The following CDH4 variants were observed in gnomAD, a reference collection of about 807,000 sequenced individuals.
CDH4 encodes cadherin 4.
In CDH4, 33 loss-of-function variants were observed where a neutral mutation model predicts 86.0. That is an observed-to-expected ratio of 0.38 (90% CI 0.29 to 0.51). CDH4 has a LOEUF of 0.51. Among genes scored for constraint, CDH4 ranks in the 20% least tolerant of loss-of-function variants. The pLI is 0.86. For missense variants in CDH4, 1,114 were observed against 1,307.4 expected, an observed-to-expected ratio of 0.85 and a Z score of 2.28; for synonymous variants, 555 against 549.4, an observed-to-expected ratio of 1.01 and a Z score of -0.14.
chr20:61,399,499 T>C (rs572052428), intron 2 of CDH4, among the ~76,000 whole-genome samples: 2 of 152,326 alleles, frequency 1.3e-5, no homozygotes, highest in South Asian at 4.1e-4. Flanking sequence ...GAGAGCATAG[T>C]ATCCCTGAGC....
At chr20:61,254,713 C>G (rs2084088519) in intron 1 of CDH4, 113 bp from the exon 2 acceptor site, 1 of 743,420 alleles carries the variant, frequency 1.3e-6, no homozygotes, top group African/African-American at 1.7e-5. Context: ...CGGTGGCCTG[C>G]CAGCCTTTCT....
At chr20:61,800,126 T>C (rs897150013) in intron 4 of CDH4, among the ~76,000 whole-genome samples, 5 of 152,308 alleles carry the variant, frequency 3.3e-5, no homozygotes, top group South Asian at 2.1e-4. Context: ...TACTCCCTCC[T>C]TGAAGCCTGT....
At chr20:61,331,177 C>G (rs1425498405) in intron 2 of CDH4, among the ~76,000 whole-genome samples, 2 of 152,168 alleles carry the variant, frequency 1.3e-5, no homozygotes, top group East Asian at 1.9e-4. Context: ...CCTTCCATGC[C>G]CAGTGCCCAG....
At chr20:61,405,395 G>A (rs1001080728) in intron 2 of CDH4, among the ~76,000 whole-genome samples, 4 of 151,890 alleles carry the variant, frequency 2.6e-5, no homozygotes, top group Admixed American at 1.3e-4. Flanking sequence ...TTACAGTGCG[G>A]CCCTTTATGA....
chr20:61,922,178 A>G (rs968134178), intron 9 of CDH4, among the ~76,000 whole-genome samples: 13 of 152,252 alleles, frequency 8.5e-5, no homozygotes, highest in African/African-American at 2.9e-4. Flanking sequence ...ACTCTTATGC[A>G]TATGTTACTT....
intron 2 of CDH4, among the ~76,000 whole-genome samples, chr20:61,395,287 ACTGTT>A (rs1373427388): frequency 1.3e-5 from 2 of 152,170 alleles, no homozygotes; most frequent in African/African-American, 4.8e-5. Context: ...CTCCTGTACT[ACTGTT>A]ATTTAGTAAA....
intron 2 of CDH4, among the ~76,000 whole-genome samples, chr20:61,559,519 CTTTTTTTTT>C (rs1156864328): frequency 9.5e-6 from 1 of 105,176 alleles, no homozygotes; most frequent in Non-Finnish European, 1.8e-5. Context: ...ATTTTTTTTT[CTTTTTTTTT>C]TTTTTTTTTT....
intron 2 of CDH4, among the ~76,000 whole-genome samples, chr20:61,629,142 G>A (rs2086859194): frequency 6.6e-6 from 1 of 152,254 alleles, no homozygotes; most frequent in Admixed American, 6.5e-5. Flanking sequence ...CTGCGCCGTG[G>A]AGAGCAGAGA....
intron 2 of CDH4, among the ~76,000 whole-genome samples, chr20:61,733,074 CAGATGG>C (rs2088214373): frequency 1.1e-4 from 2 of 17,752 alleles, no homozygotes; most frequent in Admixed American, 9.9e-4. Context: ...GACGCATGGA[CAGATGG>C]ACAGGAAAGC....
chr20:61,470,392 C>G (rs372285939), intron 2 of CDH4, among the ~76,000 whole-genome samples: 46 of 139,126 alleles, frequency 3.3e-4, no homozygotes, highest in African/African-American at 8.9e-4. Flanking sequence ...GATTTTGTAT[C>G]CTGCAACTTC....
chr20:61,929,521 C>A, intron 12 of CDH4, 88 bp from the exon 13 acceptor site: 1 of 935,300 alleles, frequency 1.1e-6, no homozygotes, highest in Non-Finnish European at 1.7e-6. Context: ...ATTTCCATGC[C>A]ATCGGACTTT....
At chr20:61,793,040 G>T (rs1979295570) in intron 4 of CDH4, among the ~76,000 whole-genome samples, 1 of 152,006 alleles carries the variant, frequency 6.6e-6, no homozygotes, top group Admixed American at 6.6e-5. Context: ...TTGGCTTACT[G>T]CAACCTCTGC....
At chr20:61,546,586 A>AG (rs1249940291) in intron 2 of CDH4, among the ~76,000 whole-genome samples, 15 of 151,180 alleles carry the variant, frequency 9.9e-5, no homozygotes, top group Admixed American at 2.6e-4. Context: ...CAGGGCAGGG[A>AG]GGGGGGTGTG....
At chr20:61,300,910 G>A (rs8123645) in intron 2 of CDH4, among the ~76,000 whole-genome samples, 83,901 of 152,064 alleles carry the variant, frequency 0.55, 24,391 homozygotes, top group Admixed American at 0.65. Flanking sequence ...TACAAAGCCC[G>A]GAGCACCAGC....
intron 2 of CDH4, among the ~76,000 whole-genome samples, chr20:61,737,429 C>T (rs965676610): frequency 5.9e-5 from 9 of 152,112 alleles, no homozygotes; most frequent in East Asian, 1.9e-4. Context: ...GCCAGCTGGC[C>T]GCAAACACCC....
intron 2 of CDH4, among the ~76,000 whole-genome samples, chr20:61,443,937 T>C (rs2085327386): frequency 1.0e-5 from 1 of 98,980 alleles, no homozygotes; most frequent in African/African-American, 5.1e-5. Context: ...TGTGTCTTTG[T>C]GGATATCTGT....
At chr20:61,895,663 GCAC>G (rs1454435813) in intron 8 of CDH4, among the ~76,000 whole-genome samples, 2 of 152,224 alleles carry the variant, frequency 1.3e-5, no homozygotes, top group Non-Finnish European at 2.9e-5. Flanking sequence ...CAGGGCAGCT[GCAC>G]CACCAGGAGG....
At position 61,688,909 on chromosome 20, in the gene CDH4, C is replaced by G. The variant is rs149842615; in HGVS notation, c.170-54654C>G. The stretch of plus-strand genomic sequence containing the variant: ...GAGAGGCACCGCTAGTTAGGTGGTC[C>G]TCCTTCAAGATCTTCTCCTTTGTAG... On this transcript the variant is annotated intron_variant, in intron 2 of 15. Transcript: ENST00000614565. Among the ~76,000 whole-genome samples, 209 of 152,376 alleles carry G rather than the reference C, an allele frequency of 1.4e-3. 2 individuals carry two copies. The highest frequency in any genetic ancestry group is 3.4e-3 in the Middle Eastern group (1 of 294).
At chr20:61,358,820 GAC>G (rs756761046) in intron 2 of CDH4, among the ~76,000 whole-genome samples, 33,616 of 151,976 alleles carry the variant, frequency 0.22, 4,182 homozygotes, top group South Asian at 0.34. Flanking sequence ...AAGGAGAGGA[GAC>G]CTGCATGAGC....
Sources: allele counts gnomAD v4.1 joint callset (sites outside exome capture counted in the v4.1 genomes callset), GRCh38; gene constraint gnomAD v4.1.1; transcripts MANE v1.5; gene names NCBI Gene and HGNC (gene_info 2026-07-23, HGNC 2026-07-21).